SAMD5: variants seen among roughly 807,000 people sequenced by gnomAD.
SAMD5 encodes the protein sterile alpha motif domain-containing protein 5.
In SAMD5, 13 loss-of-function variants were observed where a neutral mutation model predicts 11.3. The observed-to-expected ratio is 1.15, with a 90% CI of 0.75 to 1.83. SAMD5 has a LOEUF of 1.83. Among genes scored for constraint, SAMD5 ranks in the 40% most tolerant of loss-of-function variants. The probability of loss-of-function intolerance (pLI) is 0.00; values close to 1 mark genes in which losing one functional copy is unlikely to be tolerated. For synonymous variants in SAMD5, 129 were observed against 111.3 expected (o/e 1.16, Z -1.00); for missense variants, 255 against 239.1 (o/e 1.07, Z -0.44).
the SAMD5 span, among the ~76,000 whole-genome samples, chr6:147,913,168 C>T: frequency 1.3e-5 from 2 of 152,008 alleles, no homozygotes; most frequent in East Asian, 3.9e-4. Flanking sequence ...ACAAGTCAAC[C>T]TGATTGTATT....
chr6:147,731,449 AG>A (rs1791711931), intron 1 of SAMD5, among the ~76,000 whole-genome samples: 1 of 152,076 alleles, frequency 6.6e-6, no homozygotes, highest in South Asian at 2.1e-4. Flanking sequence ...GCTGTGATGG[AG>A]AAAACTGACT....
At chr6:147,895,107 T>C in the SAMD5 span, among the ~76,000 whole-genome samples, 1 of 152,198 alleles carries the variant, frequency 6.6e-6, no homozygotes, top group African/African-American at 2.4e-5. Flanking sequence ...TCGATTTTAT[T>C]TGATGAAAAG....
chr6:147,648,654 C>T (rs1264903139), intron 1 of SAMD5, among the ~76,000 whole-genome samples: 1 of 152,186 alleles, frequency 6.6e-6, no homozygotes, highest in African/African-American at 2.4e-5. Context: ...AACTTTGGAT[C>T]CTCAGATTTG....
chr6:147,611,015 A>G (rs539831726), intron 1 of SAMD5, among the ~76,000 whole-genome samples: 3 of 151,886 alleles, frequency 2.0e-5, no homozygotes, highest in Non-Finnish European at 4.4e-5. Flanking sequence ...GACTACAGGT[A>G]TATGCCACGA....
At chr6:147,799,022 A>G in the SAMD5 span, among the ~76,000 whole-genome samples, 1 of 152,148 alleles carries the variant, frequency 6.6e-6, no homozygotes, top group African/African-American at 2.4e-5. Flanking sequence ...CTCTTTATCC[A>G]GTTTGCCAGT....
the SAMD5 span, among the ~76,000 whole-genome samples, chr6:147,781,754 T>C: frequency 7.2e-6 from 1 of 138,762 alleles, no homozygotes. Context: ...GTATATATAA[T>C]GTATATAATT....
chr6:147,747,370 G>A, the SAMD5 span, among the ~76,000 whole-genome samples: 2 of 152,176 alleles, frequency 1.3e-5, no homozygotes, highest in African/African-American at 4.8e-5. Flanking sequence ...GGGCATGAAG[G>A]CAACAAGGTT....
chr6:147,726,727 T>A (rs1039749619), intron 1 of SAMD5, among the ~76,000 whole-genome samples: 3 of 152,194 alleles, frequency 2.0e-5, no homozygotes, highest in Non-Finnish European at 4.4e-5. Flanking sequence ...CCCAAGAACC[T>A]TCACCTATAA....
At chr6:147,656,272 AAC>A (rs1332966243) in intron 1 of SAMD5, among the ~76,000 whole-genome samples, 1 of 152,190 alleles carries the variant, frequency 6.6e-6, no homozygotes, top group Non-Finnish European at 1.5e-5. Context: ...CTACAACTTG[AAC>A]ACAGAGAGAC....
intron 1 of SAMD5, among the ~76,000 whole-genome samples, chr6:147,639,233 C>A (rs1041512815): frequency 6.6e-6 from 1 of 152,008 alleles, no homozygotes; most frequent in African/African-American, 2.4e-5. Flanking sequence ...AAGCAGAATA[C>A]TATAATTGTA....
At chr6:147,781,774 A>G in the SAMD5 span, among the ~76,000 whole-genome samples, 317 of 3,634 alleles carry the variant, frequency 0.087, 4 homozygotes, top group African/African-American at 0.18. Context: ...TTGTGTGCGC[A>G]CACACACACA....
the SAMD5 span, among the ~76,000 whole-genome samples, chr6:147,791,954 G>A: frequency 6.6e-6 from 1 of 152,286 alleles, no homozygotes; most frequent in African/African-American, 2.4e-5. Flanking sequence ...CATAGGTGAA[G>A]CACAGGGAAT....
intron 1 of SAMD5, among the ~76,000 whole-genome samples, chr6:147,713,600 T>A (rs973247715): frequency 5.9e-5 from 9 of 152,024 alleles, no homozygotes. Context: ...AGGAAAAAGT[T>A]AAATGGTAGA....
At chr6:147,625,554 T>C (rs940962993) in intron 1 of SAMD5, among the ~76,000 whole-genome samples, 7 of 152,200 alleles carry the variant, frequency 4.6e-5, no homozygotes, top group Non-Finnish European at 1.0e-4. Flanking sequence ...GATATAAGGA[T>C]ATATTAAGAT....
the SAMD5 span, among the ~76,000 whole-genome samples, chr6:147,778,016 T>C: frequency 6.6e-6 from 1 of 152,202 alleles, no homozygotes; most frequent in African/African-American, 2.4e-5. Context: ...ATGGTAATGA[T>C]ATTTTTAACT....
At chr6:147,853,251 G>C in the SAMD5 span, among the ~76,000 whole-genome samples, 1 of 152,070 alleles carries the variant, frequency 6.6e-6, no homozygotes, top group Non-Finnish European at 1.5e-5. Flanking sequence ...TCACTTGGGT[G>C]CCTGACACAG....
the SAMD5 span, among the ~76,000 whole-genome samples, chr6:147,894,205 C>T: frequency 1.3e-4 from 20 of 150,986 alleles, no homozygotes; most frequent in Admixed American, 4.6e-4. Context: ...CTTACTGCAA[C>T]CTCCATCCCC....
chr6:147,524,566 A>G (rs1213778659), intron 1 of SAMD5, among the ~76,000 whole-genome samples: 1 of 151,910 alleles, frequency 6.6e-6, no homozygotes, highest in Non-Finnish European at 1.5e-5. Flanking sequence ...GCTATATGTT[A>G]ATTAGTCACA....
intron 1 of SAMD5, among the ~76,000 whole-genome samples, chr6:147,658,669 T>G (rs1029208891): frequency 5.9e-5 from 9 of 152,026 alleles, no homozygotes; most frequent in Non-Finnish European, 8.8e-5. Context: ...GTTTTTTTTT[T>G]TCCACTTTCA....
Sources: allele counts gnomAD v4.1 joint callset (sites outside exome capture counted in the v4.1 genomes callset), GRCh38; gene constraint gnomAD v4.1.1; transcripts MANE v1.5; gene names NCBI Gene and HGNC (gene_info 2026-07-23, HGNC 2026-07-21).